LRP6: variants seen among roughly 807,000 people sequenced by gnomAD.
The protein encoded by LRP6 is low-density lipoprotein receptor-related protein 6.
In LRP6, 43 loss-of-function variants were observed where a neutral mutation model predicts 184.1. The ratio of observed to expected loss-of-function variants is 0.23; its 90% confidence interval spans 0.18 to 0.30. LRP6 has a LOEUF of 0.30. Among genes scored for constraint, LRP6 ranks in the 10% least tolerant of loss-of-function variants. The probability of loss-of-function intolerance (pLI) is 1.00; values close to 1 mark genes in which losing one functional copy is unlikely to be tolerated. For missense variants in LRP6, 1,571 were observed against 2,005.3 expected, an observed-to-expected ratio of 0.78 and a Z score of 4.14; for synonymous variants, 719 against 684.9, an observed-to-expected ratio of 1.05 and a Z score of -0.78.
chr12:12,137,575 T>C (rs965073155), intron 16 of LRP6, among the ~76,000 whole-genome samples: 1 of 152,160 alleles, frequency 6.6e-6, no homozygotes, highest in Non-Finnish European at 1.5e-5. Context: ...TTTAGTTTGT[T>C]TTGCCTAAGA....
intron 4 of LRP6, among the ~76,000 whole-genome samples, chr12:12,184,684 G>C (rs1209872913): frequency 6.6e-6 from 1 of 152,126 alleles, no homozygotes; most frequent in East Asian, 1.9e-4. Flanking sequence ...AACTAAAGCT[G>C]AATGAATACA....
At chr12:12,129,552 C>CT (rs1283624852) in intron 19 of LRP6, among the ~76,000 whole-genome samples, 5 of 151,692 alleles carry the variant, frequency 3.3e-5, no homozygotes, top group East Asian at 1.9e-4. Context: ...AACACCCAGT[C>CT]TTTTTTTTCT....
chr12:12,235,725 C>T (rs567598095), intron 2 of LRP6, among the ~76,000 whole-genome samples: 5 of 150,084 alleles, frequency 3.3e-5, no homozygotes, highest in African/African-American at 9.8e-5. Context: ...GACAAAACTC[C>T]GGCTCAAAAA....
intron 2 of LRP6, among the ~76,000 whole-genome samples, chr12:12,242,443 G>T (rs954991867): frequency 6.6e-6 from 1 of 152,276 alleles, no homozygotes; most frequent in African/African-American, 2.4e-5. Context: ...GGGGAAAAAA[G>T]AACTTTATCT....
chr12:12,121,205 G>C lies in LRP6; in HGVS notation c.4763C>G (p.Pro1588Arg). 1 of 1,614,134 alleles carries C rather than the reference G, an allele frequency of 6.2e-7. No individual in the cohort carries two copies. Among genetic ancestry groups the C allele is most frequent in the Non-Finnish European group, 8.5e-7 (1 of 1,180,018 alleles). ...LSAEENYESC[P>R]PSPYTERSYS... is the part of the protein sequence containing the mutation. ...GCTCCTCTCTGTGTATGGAGAAGGTGGGCAGCTTTCATAGTTCTCCTCTGC... is the reference window on the plus strand; with the variant it reads ...GCTCCTCTCTGTGTATGGAGAAGGTCGGCAGCTTTCATAGTTCTCCTCTGC... The change falls in exon 23 of 23, where the codon CCA becomes CGA. Residue 1588 changes from proline (P) to arginine (R), a missense_variant. Pro to Arg is a moderately radical substitution (Grantham distance 103). Around this residue, in one of 4 missense-constraint regions of LRP6, gnomAD observed 763 missense variants for 859.5 expected, o/e 0.89. Transcript: ENST00000261349.
intron 5 of LRP6, among the ~76,000 whole-genome samples, chr12:12,182,196 G>A (rs191710439): frequency 6.6e-6 from 1 of 152,254 alleles, no homozygotes; most frequent in East Asian, 1.9e-4. Context: ...TCTATACCTT[G>A]TAAGGTTGTT....
chr12:12,163,235 C>A (rs916434493), intron 9 of LRP6, among the ~76,000 whole-genome samples: 2 of 152,170 alleles, frequency 1.3e-5, no homozygotes, highest in South Asian at 4.1e-4. Context: ...CTCAGCCTCC[C>A]AAAGTGCTGG....
At chr12:12,162,093 T>C in intron 10 of LRP6, 100 bp downstream of exon 10, 2 of 917,322 alleles carry the variant, frequency 2.2e-6, no homozygotes, top group Non-Finnish European at 1.8e-6. Flanking sequence ...AGATTCCTAA[T>C]ACGTATTATT....
chr12:12,247,856 C>T (rs1023601900), intron 1 of LRP6, among the ~76,000 whole-genome samples: 1 of 152,184 alleles, frequency 6.6e-6, no homozygotes, highest in Non-Finnish European at 1.5e-5. Context: ...ATCACCATCA[C>T]TTCTCTTCAG....
chr12:12,134,129 T>C (rs372429126), intron 17 of LRP6, among the ~76,000 whole-genome samples: 14 of 152,276 alleles, frequency 9.2e-5, no homozygotes, highest in East Asian at 5.8e-4. Context: ...GTTCGACGAA[T>C]AAAATTTACT....
chr12:12,204,493 A>G (rs1289302536), intron 2 of LRP6, among the ~76,000 whole-genome samples: 1 of 152,122 alleles, frequency 6.6e-6, no homozygotes, highest in African/African-American at 2.4e-5. Context: ...TGCTAATTGT[A>G]TTGTAGTTAG....
chr12:12,159,141 C>A lies in LRP6; in HGVS notation c.2479G>T (p.Val827Phe). The stretch of plus-strand genomic sequence containing the variant: ...GGATGAGGCAAGTCATCTGCTATAA[C>A]TTCACGGTTGAGCCCTATTTTCAGA... ...SSNMLGLNREVIADDLPHPFG... is the reference protein window; with the variant it reads ...SSNMLGLNREFIADDLPHPFG... Residue 827 changes from valine (V) to phenylalanine (F), a missense_variant, in exon 12 of 23, where the codon GTT (valine) becomes TTT (phenylalanine). Around this residue, in one of 4 missense-constraint regions of LRP6, gnomAD observed 158 missense variants for 258.4 expected, o/e 0.61. Transcript: ENST00000261349. 1 of 1,613,988 alleles carries A rather than the reference C, an allele frequency of 6.2e-7. No individual in the cohort carries two copies. Among genetic ancestry groups the A allele is most frequent in the Non-Finnish European group, 8.5e-7 (1 of 1,179,986 alleles).
intron 2 of LRP6, among the ~76,000 whole-genome samples, chr12:12,203,636 T>C (rs1863973653): frequency 6.6e-6 from 1 of 151,990 alleles, no homozygotes; most frequent in East Asian, 1.9e-4. Context: ...ATGGTGGTGG[T>C]GTGTGCCTGT....
At position 12,132,056 on chromosome 12, in the gene LRP6, T is replaced by C; in HGVS notation, c.3735A>G (p.Glu1245=). 1 of 1,607,252 alleles carries C rather than the reference T, an allele frequency of 6.2e-7. No homozygotes were observed. The highest frequency in any genetic ancestry group is 8.5e-7 in the Non-Finnish European group (1 of 1,173,974). Residue 1245 remains glutamate, a splice_region_variant and synonymous_variant, in exon 18 of 23, where the codon GAA becomes GAG. Coordinates refer to ENST00000261349, the MANE Select transcript of LRP6 (RefSeq NM_002336.3). ...VLLQDELSCG[E]PPTCSPQQFT... ...ACTGCTGAGGAGAACATGTTGGAGGTTCTTCAAATGAACAAGGAGAAGGGG... is the reference window on the plus strand; with the variant it reads ...ACTGCTGAGGAGAACATGTTGGAGGCTCTTCAAATGAACAAGGAGAAGGGG...
chr12:12,235,786 TC>T (rs1864917043), intron 2 of LRP6, among the ~76,000 whole-genome samples: 1 of 151,938 alleles, frequency 6.6e-6, no homozygotes, highest in African/African-American at 2.4e-5. Context: ...ATACCTAGTT[TC>T]CACATCTTCA....
intron 2 of LRP6, among the ~76,000 whole-genome samples, chr12:12,228,350 C>A (rs1465893602): frequency 1.3e-5 from 2 of 151,722 alleles, no homozygotes; most frequent in East Asian, 3.9e-4. Context: ...GGTGACACAG[C>A]GAGGCTCCAT....
Position 12,120,586 on chromosome 12 carries a change from A to T in LRP6, c.*540T>A, listed in dbSNP as rs1221514275. On this transcript the variant is annotated 3_prime_UTR_variant, in exon 23 of 23. Coordinates refer to ENST00000261349, the MANE Select transcript of LRP6 (RefSeq NM_002336.3). ...TAGCACTGTTGGATTCCTAGAGAAA[A>T]CAAAGCCCTTCGTCCAAGGTTAGTA... is the stretch of plus-strand genomic sequence containing the variant. 3.9e-5 allele frequency: 6 copies of T among 152,478 alleles called. No homozygotes were observed. Among genetic ancestry groups the T allele is most frequent in the African/African-American group, 1.4e-4 (6 of 41,448 alleles). The allele number at this position is 152,478 out of a possible 1,614,324, so 9.4% of individuals were successfully genotyped here.
intron 2 of LRP6, among the ~76,000 whole-genome samples, chr12:12,204,532 T>C (rs1412459531): frequency 1.3e-5 from 2 of 151,944 alleles, no homozygotes; most frequent in Non-Finnish European, 2.9e-5. Context: ...ATACTACTTT[T>C]GCTTCTATTC....
intron 2 of LRP6, among the ~76,000 whole-genome samples, chr12:12,219,148 T>C (rs976768641): frequency 6.6e-6 from 1 of 152,132 alleles, no homozygotes; most frequent in African/African-American, 2.4e-5. Context: ...AACAGATTAC[T>C]TGTAGGGCCC....
Sources: allele counts gnomAD v4.1 joint callset (sites outside exome capture counted in the v4.1 genomes callset), GRCh38; gene constraint gnomAD v4.1.1; regional missense constraint gnomAD v4.1.1; transcripts MANE v1.5; gene names NCBI Gene and HGNC (gene_info 2026-07-23, HGNC 2026-07-21).